The following CDH18 variants were observed in gnomAD, a reference collection of about 807,000 sequenced individuals.
CDH18 encodes the protein cadherin-18.
In CDH18, 31 loss-of-function variants were observed where a neutral mutation model predicts 67.9. That is an observed-to-expected ratio of 0.46 (90% CI 0.34 to 0.62). The LOEUF (loss-of-function observed/expected upper bound fraction) is 0.62. CDH18 is among the 20% of genes least tolerant of loss of function. The pLI is 0.01. For synonymous variants in CDH18, 362 were observed against 347.2 expected (o/e 1.04, Z -0.48); for missense variants, 890 against 975.5 (o/e 0.91, Z 1.17).
chr5:20,400,638 T>A (rs1489173155), intron 1 of CDH18, among the ~76,000 whole-genome samples: 1 of 148,374 alleles, frequency 6.7e-6, no homozygotes, highest in Non-Finnish European at 1.5e-5. Flanking sequence ...GGCACACGCC[T>A]GTAATCCCAG....
chr5:19,681,323 C>G (rs1003216174), intron 5 of CDH18, among the ~76,000 whole-genome samples: 8 of 151,860 alleles, frequency 5.3e-5, no homozygotes, highest in African/African-American at 1.9e-4. Flanking sequence ...ATCTGTACAC[C>G]AAGCCCTCAT....
chr5:20,083,855 G>C (rs1744705587), intron 2 of CDH18, among the ~76,000 whole-genome samples: 1 of 152,114 alleles, frequency 6.6e-6, no homozygotes, highest in South Asian at 2.1e-4. Flanking sequence ...CACGAGAACA[G>C]CATGGGAAAG....
At chr5:19,679,234 CTT>C (rs1360641727) in intron 5 of CDH18, among the ~76,000 whole-genome samples, 2 of 151,992 alleles carry the variant, frequency 1.3e-5, no homozygotes, top group Non-Finnish European at 2.9e-5. Flanking sequence ...GCAGAAAAGT[CTT>C]TTGATACACT....
intron 2 of CDH18, among the ~76,000 whole-genome samples, chr5:20,139,481 T>C (rs1323285107): frequency 1.3e-5 from 2 of 151,982 alleles, no homozygotes; most frequent in African/African-American, 2.4e-5. Flanking sequence ...CTAAGTAAAC[T>C]AAAGAGCTTC....
intron 2 of CDH18, among the ~76,000 whole-genome samples, chr5:20,024,717 C>G (rs1195436914): frequency 6.6e-6 from 1 of 152,036 alleles, no homozygotes; most frequent in Non-Finnish European, 1.5e-5. Context: ...TTTAGACTAT[C>G]CTGTGAGGGG....
chr5:20,199,924 T>G (rs2126749813), intron 2 of CDH18, among the ~76,000 whole-genome samples: 1 of 152,284 alleles, frequency 6.6e-6, no homozygotes, highest in South Asian at 2.1e-4. Flanking sequence ...CTTCCTCCCC[T>G]TTATCTTCTG....
At chr5:20,390,441 C>G (rs1580888172) in intron 1 of CDH18, among the ~76,000 whole-genome samples, 1 of 152,280 alleles carries the variant, frequency 6.6e-6, no homozygotes, top group Admixed American at 6.5e-5. Context: ...CAATGAGACA[C>G]CATCTCACAC....
chr5:20,342,995 T>A (rs552103831), intron 1 of CDH18, among the ~76,000 whole-genome samples: 1 of 152,246 alleles, frequency 6.6e-6, no homozygotes, highest in Non-Finnish European at 1.5e-5. Flanking sequence ...AGCACCTGCA[T>A]CTTTGAAGAG....
At chr5:20,445,020 A>C (rs1367476356) in intron 1 of CDH18, among the ~76,000 whole-genome samples, 4 of 152,168 alleles carry the variant, frequency 2.6e-5, no homozygotes, top group South Asian at 2.1e-4. Context: ...GACCGTCTAA[A>C]GCTTTCTTTT....
intron 2 of CDH18, among the ~76,000 whole-genome samples, chr5:20,174,547 T>G (rs1737084056): frequency 6.6e-6 from 1 of 152,166 alleles, no homozygotes; most frequent in South Asian, 2.1e-4. Context: ...TTATTCACCT[T>G]TTTTGGGGAC....
At chr5:19,578,413 T>C (rs1242828213) in intron 7 of CDH18, among the ~76,000 whole-genome samples, 2 of 152,116 alleles carry the variant, frequency 1.3e-5, no homozygotes, top group Admixed American at 6.6e-5. Context: ...TGAAGTTGCT[T>C]TTAGCAACCT....
At chr5:20,278,030 C>G (rs2126686579) in intron 1 of CDH18, among the ~76,000 whole-genome samples, 1 of 151,878 alleles carries the variant, frequency 6.6e-6, no homozygotes, top group African/African-American at 2.4e-5. Context: ...AGAAAATAGC[C>G]TAAAAAAGGA....
chr5:20,053,026 A>AT (rs5866412), intron 2 of CDH18, among the ~76,000 whole-genome samples: 141,260 of 149,040 alleles, frequency 0.95, 67,300 homozygotes, highest in Non-Finnish European at 0.99. Context: ...TCCTCAGTTT[A>AT]TTTTTTTTTT....
At chr5:19,516,899 T>G (rs939943935) in intron 10 of CDH18, among the ~76,000 whole-genome samples, 1 of 152,120 alleles carries the variant, frequency 6.6e-6, no homozygotes, top group African/African-American at 2.4e-5. Flanking sequence ...ATGTCTTTGT[T>G]GGTTCCAGTC....
chr5:19,719,947 A>AAGAAAG (rs1314921708), intron 5 of CDH18, among the ~76,000 whole-genome samples: 1 of 151,436 alleles, frequency 6.6e-6, no homozygotes, highest in African/African-American at 2.4e-5. Context: ...GAAAGAAAGA[A>AAGAAAG]AGAAAGAAAG....
chr5:19,561,205 G>T (rs534202605), intron 8 of CDH18, among the ~76,000 whole-genome samples: 3 of 151,962 alleles, frequency 2.0e-5, no homozygotes, highest in Non-Finnish European at 2.9e-5. Flanking sequence ...AGATACCTGC[G>T]AAGGTATGTT....
chr5:20,062,130 T>A lies in CDH18; in HGVS notation c.-517-70116A>T, dbSNP rs550101011. ...CAACTTGAGAAAAGTAAACTAATCT[T>A]TAAGCCCAGAATTATTATTATTATT... On this transcript the variant is annotated intron_variant, in intron 2 of 14. Transcript: ENST00000507958. Among the ~76,000 whole-genome samples the A allele has an allele frequency of 1.8e-4, 25 of 141,328 alleles. No homozygotes were observed. The East Asian group carries it at 5.0e-3, about 28-fold the overall frequency. 92.7% of individuals were successfully genotyped at this position (141,328 alleles called of 152,430 possible).
Position 19,825,012 on chromosome 5 carries a change from T to C in CDH18, c.228+13747A>G, listed in dbSNP as rs142881019. ...GACCTTTTGACCTAGTGGTTTTACT[T>C]TTTTGTGAACTCAGCTGGAATGCAC... On this transcript the variant is annotated intron_variant, in intron 3 of 12. Coordinates refer to ENST00000382275, the MANE Select transcript of CDH18 (RefSeq NM_004934.5). Among the ~76,000 whole-genome samples, 692 of 152,266 alleles carry C rather than the reference T, an allele frequency of 4.5e-3. 5 individuals carry two copies. Among genetic ancestry groups the C allele is most frequent in the Non-Finnish European group, 7.0e-3 (476 of 68,018 alleles).
chr5:20,528,544 A>G (rs1020319913), intron 1 of CDH18, among the ~76,000 whole-genome samples: 4 of 152,118 alleles, frequency 2.6e-5, no homozygotes, highest in African/African-American at 9.7e-5. Flanking sequence ...CTGAAGTCAT[A>G]ACAAACTGTC....
Sources: allele counts gnomAD v4.1 joint callset (sites outside exome capture counted in the v4.1 genomes callset), GRCh38; gene constraint gnomAD v4.1.1; transcripts MANE v1.5; gene names NCBI Gene and HGNC (gene_info 2026-07-23, HGNC 2026-07-21).